ROBO1: variants seen among roughly 807,000 people sequenced by gnomAD.
ROBO1 encodes the protein roundabout homolog 1.
Under a neutral mutation model 195.9 loss-of-function variants are expected in ROBO1, and 149 were observed. That is an observed-to-expected ratio of 0.76 (90% confidence interval 0.67 to 0.87). The LOEUF (loss-of-function observed/expected upper bound fraction) is 0.87, where lower values mean the gene tolerates loss of function less well. Ranked by LOEUF, ROBO1 falls within the 40% of genes least tolerant of loss-of-function variation. ROBO1 has a pLI of 0.00. For synonymous variants in ROBO1, 816 were observed against 733.2 expected (o/e 1.11, Z -1.82); for missense variants, 1,933 against 2,068.3 (o/e 0.93, Z 1.27).
intron 4 of ROBO1, among the ~76,000 whole-genome samples, chr3:78,828,993 G>A (rs2031897129): frequency 6.6e-6 from 1 of 152,108 alleles, no homozygotes; most frequent in African/African-American, 2.4e-5. Flanking sequence ...GTTTCTCAGG[G>A]AATCATTTAG....
At chr3:79,292,733 A>T (rs888317569) in intron 2 of ROBO1, among the ~76,000 whole-genome samples, 5 of 152,142 alleles carry the variant, frequency 3.3e-5, no homozygotes, top group African/African-American at 1.2e-4. Flanking sequence ...AGCCAACTTG[A>T]TCGTGGTGGA....
chr3:79,458,871 C>T (rs1000301813), intron 2 of ROBO1, among the ~76,000 whole-genome samples: 1 of 151,714 alleles, frequency 6.6e-6, no homozygotes, highest in African/African-American at 2.4e-5. Flanking sequence ...TCCAATTTGC[C>T]AGAGTAATAC....
chr3:79,571,726 T>A (rs1943284954), intron 2 of ROBO1, among the ~76,000 whole-genome samples: 1 of 152,128 alleles, frequency 6.6e-6, no homozygotes, highest in Non-Finnish European at 1.5e-5. Flanking sequence ...CTATCTACTT[T>A]AAATTATAAT....
intron 1 of ROBO1, among the ~76,000 whole-genome samples, chr3:79,740,714 G>T (rs899782802): frequency 5.9e-5 from 9 of 152,112 alleles, no homozygotes; most frequent in African/African-American, 1.2e-4. Flanking sequence ...GACATGTGGG[G>T]ATTATTCTGG....
At chr3:78,938,998 G>T in intron 3 of ROBO1, 71 bp from the exon 4 acceptor site, 1 of 1,324,994 alleles carries the variant, frequency 7.5e-7, no homozygotes. Context: ...TTAAAGCATT[G>T]GCTTAACCAT....
intron 3 of ROBO1, among the ~76,000 whole-genome samples, chr3:79,019,776 T>A (rs2078059597): frequency 6.6e-6 from 1 of 152,082 alleles, no homozygotes; most frequent in African/African-American, 2.4e-5. Flanking sequence ...AAAATCCTCC[T>A]GGTCCAACTT....
At chr3:79,555,507 A>G (rs557662571) in intron 2 of ROBO1, among the ~76,000 whole-genome samples, 1 of 152,302 alleles carries the variant, frequency 6.6e-6, no homozygotes, top group Admixed American at 6.5e-5. Context: ...ATTTACATTT[A>G]TGGAACAGTA....
At chr3:78,834,780 C>A (rs2032550210) in intron 4 of ROBO1, among the ~76,000 whole-genome samples, 2 of 152,072 alleles carry the variant, frequency 1.3e-5, no homozygotes, top group Non-Finnish European at 2.9e-5. Flanking sequence ...TTCTTGACTT[C>A]ATTTTTTTAA....
intron 2 of ROBO1, among the ~76,000 whole-genome samples, chr3:79,333,246 T>A (rs1254904841): frequency 6.6e-6 from 1 of 151,518 alleles, no homozygotes; most frequent in Non-Finnish European, 1.5e-5. Context: ...TCAATTATGA[T>A]CACGAAGATT....
intron 2 of ROBO1, among the ~76,000 whole-genome samples, chr3:79,516,048 T>G (rs1254191938): frequency 6.6e-6 from 1 of 152,138 alleles, no homozygotes; most frequent in Non-Finnish European, 1.5e-5. Flanking sequence ...CAAGTTTCTT[T>G]CCTCCAGTAT....
intron 2 of ROBO1, among the ~76,000 whole-genome samples, chr3:79,288,744 G>A (rs1358918522): frequency 6.6e-6 from 1 of 151,966 alleles, no homozygotes; most frequent in Non-Finnish European, 1.5e-5. Flanking sequence ...TGTTAACACT[G>A]AGTATTTTAT....
intron 26 of ROBO1, 104 bp downstream of exon 26, chr3:78,627,217 G>T: frequency 7.8e-7 from 1 of 1,283,190 alleles, no homozygotes; most frequent in East Asian, 2.5e-5. Context: ...GCCAGAAAAG[G>T]CTTATGAGAC....
Position 79,053,320 on chromosome 3 carries a change from C to A in ROBO1, c.172+72136G>T, listed in dbSNP as rs1267510683. ...CCCCCACCTAACGATTCTGAGACTT[C>A]AATATCTAACTCCAGTGACTTTGGA... On this transcript the variant is annotated intron_variant, in intron 3 of 30. Coordinates refer to ENST00000464233, the MANE Select transcript of ROBO1 (RefSeq NM_002941.4). 2.6e-5 allele frequency among the ~76,000 whole-genome samples: 4 copies of A among 151,960 alleles called. No homozygotes were observed. The East Asian group carries it at 7.8e-4, about 29-fold the overall frequency.
chr3:79,194,721 T>C (rs544943066), intron 2 of ROBO1, among the ~76,000 whole-genome samples: 1 of 151,830 alleles, frequency 6.6e-6, no homozygotes, highest in East Asian at 1.9e-4. Context: ...TCTTTTATTG[T>C]AGTAGAATGG....
chr3:78,763,593 C>T (rs2083157659), intron 4 of ROBO1, among the ~76,000 whole-genome samples: 1 of 152,140 alleles, frequency 6.6e-6, no homozygotes, highest in Admixed American at 6.6e-5. Flanking sequence ...ATGATTTTCT[C>T]TCCATTCCCA....
intron 2 of ROBO1, among the ~76,000 whole-genome samples, chr3:79,445,383 G>T (rs1575834554): frequency 1.3e-5 from 2 of 150,226 alleles, no homozygotes; most frequent in East Asian, 3.9e-4. Flanking sequence ...CAGTGATCAG[G>T]TTTATCATTA....
chr3:79,202,168 C>G (rs1321900535), intron 2 of ROBO1, among the ~76,000 whole-genome samples: 1 of 151,934 alleles, frequency 6.6e-6, no homozygotes, highest in Non-Finnish European at 1.5e-5. Context: ...CCTGAATCCT[C>G]CAATACCGAT....
At chr3:78,726,539 A>G (rs1300184157) in intron 5 of ROBO1, among the ~76,000 whole-genome samples, 3 of 152,184 alleles carry the variant, frequency 2.0e-5, no homozygotes, top group East Asian at 3.8e-4. Flanking sequence ...AAATTAAGTG[A>G]GATGAGAGGT....
chr3:78,973,164 T>C (rs966579661), intron 3 of ROBO1, among the ~76,000 whole-genome samples: 16 of 152,036 alleles, frequency 1.1e-4, no homozygotes, highest in Non-Finnish European at 2.2e-4. Flanking sequence ...TGCAATGAAA[T>C]AGTCATAATA....
Sources: gnomAD v4.1 joint callset for allele counts (sites outside exome capture counted in the v4.1 genomes callset) on GRCh38, gnomAD v4.1.1 for gene constraint, MANE v1.5 for transcripts, NCBI Gene and HGNC (gene_info 2026-07-23, HGNC 2026-07-21) for gene names.